Variants in CASZ1 observed in about 807,000 individuals in gnomAD.
CASZ1 encodes the protein castor zinc finger 1.
CASZ1 carries 28 observed loss-of-function variants against 135.2 expected under a neutral mutation model. The ratio of observed to expected loss-of-function variants is 0.21; its 90% CI spans 0.15 to 0.28. The LOEUF is 0.28. Among genes scored for constraint, CASZ1 ranks in the 10% least tolerant of loss-of-function variants. The pLI is 1.00. For missense variants in CASZ1, 2,161 were observed against 2,453.3 expected (o/e 0.88, Z 2.52); for synonymous variants, 1,068 against 1,073.4 (o/e 0.99, Z 0.10).
intron 4 of CASZ1, among the ~76,000 whole-genome samples, chr1:10,667,112 C>T (rs529568311): frequency 1.4e-4 from 21 of 152,344 alleles, no homozygotes; most frequent in African/African-American, 4.8e-4. Context: ...CCAGGAAACC[C>T]GATGAGAGGC....
intron 4 of CASZ1, among the ~76,000 whole-genome samples, chr1:10,692,658 A>T (rs747646316): frequency 1.3e-5 from 2 of 151,984 alleles, no homozygotes; most frequent in Non-Finnish European, 2.9e-5. Context: ...TCTGCAAATG[A>T]CACCTCCCCC....
intron 2 of CASZ1, among the ~76,000 whole-genome samples, chr1:10,729,816 A>AT (rs370712603): frequency 0.03 from 4,527 of 149,000 alleles, 94 homozygotes; most frequent in Middle Eastern, 0.086. Flanking sequence ...ACTTTATTTT[A>AT]TTTTTTTTTT....
At position 10,649,408 on chromosome 1, in the gene CASZ1, G is replaced by C. The variant is rs992745319; in HGVS notation, c.2910C>G (p.Ser970Arg). The C allele has an allele frequency of 6.8e-6, 11 of 1,611,170 alleles. No homozygotes were observed. Among genetic ancestry groups the C allele is most frequent in the Non-Finnish European group, 9.3e-6 (11 of 1,179,088 alleles). Residue 970 changes from serine (S) to arginine (R), a missense_variant, in exon 14 of 21, where the codon AGC becomes AGG. Ser to Arg is a moderately radical substitution (Grantham distance 110, BLOSUM62 -1). Around this residue, in one of 7 missense-constraint regions of CASZ1, gnomAD observed 406 missense variants for 387.6 expected, o/e 1.05. Transcript: ENST00000377022. The stretch of plus-strand genomic sequence containing the variant: ...CCGCTTCCGCCTTGATGTTCAGCAG[G>C]CTGCCCAGGCCAGGGTTGCCCTGAG... ...KMSQGNPGLG[S>R]LLNIKAEAEG...
Position 10,719,757 on chromosome 1 carries a change from G to A in CASZ1, c.-76-14213C>T, listed in dbSNP as rs562690834. On this transcript the variant is annotated intron_variant, in intron 2 of 20. Transcript: ENST00000377022. The surrounding 1 kb of genome is among the most constrained non-coding windows in gnomAD (Gnocchi z 4.0). ...CAGGGTATGGGAATAGAGGAATTGG[G>A]CACTTCAACGTTCCAAGCAAAAACT... Among the ~76,000 whole-genome samples, 61 of 152,332 alleles carry A rather than the reference G, an allele frequency of 4.0e-4. No individual in the cohort carries two copies. The highest frequency in any genetic ancestry group is 1.1e-3 in the African/African-American group (47 of 41,582).
rs58719621 is a variant in CASZ1, at chr1:10,675,227, C to T, written c.17-9656G>A. On this transcript the variant is annotated intron_variant, in intron 4 of 20. Transcript: ENST00000377022. ...AAAAATAAAGGGATGTTTGGGGAGTCGTAGCGCACACAGGGTTTTTGGCAG... is the reference window on the plus strand; with the variant it reads ...AAAAATAAAGGGATGTTTGGGGAGTTGTAGCGCACACAGGGTTTTTGGCAG... 3.6e-3 allele frequency among the ~76,000 whole-genome samples: 542 copies of T among 152,294 alleles called. 6 individuals carry two copies. The highest frequency in any genetic ancestry group is 0.011 in the African/African-American group (447 of 41,542).
chr1:10,650,787 A>G, intron 12 of CASZ1, 32 bp from the exon 13 acceptor site: 1 of 1,596,172 alleles, frequency 6.3e-7, no homozygotes, highest in Admixed American at 1.7e-5. Context: ...ACTTGAGCTC[A>G]GACGGCCGGG....
chr1:10,660,581 A>AGGGACAGGAGGTCCCCC (rs1326367016), intron 5 of CASZ1, 45 bp from the exon 6 acceptor site: 4 of 1,535,168 alleles, frequency 2.6e-6, no homozygotes, highest in Non-Finnish European at 3.5e-6. Flanking sequence ...AGGGAGTGGG[A>AGGGACAGGAGGTCCCCC]GGGACAGGAG....
In CASZ1 at chr1:10,665,359, G is replaced by C. The variant is rs1356050479; in HGVS notation, c.229C>G (p.Pro77Ala). Residue 77 changes from proline (P) to alanine (A), a missense_variant, in exon 5 of 21, where the codon CCC becomes GCC. Transcript: ENST00000377022. ...SGPESGAARA[P>A]RSEEDKRRAV... ...CGTCTCTTGTCTTCCTCGCTGCGGGGGGCCCGGGCTGCCCCAGACTCAGGG... is the reference window on the plus strand; with the variant it reads ...CGTCTCTTGTCTTCCTCGCTGCGGGCGGCCCGGGCTGCCCCAGACTCAGGG... The C allele has an allele frequency of 4.3e-6, 7 of 1,611,444 alleles. No individual in the cohort carries two copies. The East Asian group carries it at 1.6e-4, about 36-fold the overall frequency.
intron 1 of CASZ1, among the ~76,000 whole-genome samples, chr1:10,790,026 G>C (rs1045095939): frequency 6.6e-6 from 1 of 152,176 alleles, no homozygotes; most frequent in Non-Finnish European, 1.5e-5. Flanking sequence ...CCTGCTGCTG[G>C]CACACCAGGC....
chr1:10,719,958 C>T lies in CASZ1; in HGVS notation c.-76-14414G>A, dbSNP rs558344330. ...ATATGGTGCCTGAACACAGGTCCTC[C>T]GACAGCACCAGGGTGCGGTGTGTTT... On this transcript the variant is annotated intron_variant, in intron 2 of 20. Transcript: ENST00000377022. This position sits in a 1 kb window ranked among gnomAD's most constrained non-coding sequence, Gnocchi z 4.0. Among the ~76,000 whole-genome samples the T allele has an allele frequency of 5.3e-5, 8 of 152,326 alleles. No individual in the cohort carries two copies. Among genetic ancestry groups the T allele is most frequent in the Non-Finnish European group, 8.8e-5 (6 of 68,028 alleles).
At chr1:10,778,224 C>G (rs756916649) in intron 1 of CASZ1, among the ~76,000 whole-genome samples, 1 of 151,864 alleles carries the variant, frequency 6.6e-6, no homozygotes, top group Non-Finnish European at 1.5e-5. Context: ...CAATCACAAT[C>G]TCATACACAA....
intron 2 of CASZ1, among the ~76,000 whole-genome samples, chr1:10,715,280 C>A (rs1202098060): frequency 6.6e-6 from 1 of 152,160 alleles, no homozygotes; most frequent in East Asian, 1.9e-4. Flanking sequence ...AGAGACCTCT[C>A]TTCCTCAACC....
intron 4 of CASZ1, among the ~76,000 whole-genome samples, chr1:10,682,555 G>A (rs1473920840): frequency 6.6e-6 from 1 of 152,194 alleles, no homozygotes; most frequent in Non-Finnish European, 1.5e-5. Context: ...AACACAAAAT[G>A]TCAGGGTTTA....
At position 10,721,038 on chromosome 1, in the gene CASZ1, C is replaced by T. The variant is rs1004256386; in HGVS notation, c.-76-15494G>A. On this transcript the variant is annotated intron_variant, in intron 2 of 20. Transcript: ENST00000377022. This position sits in a 1 kb window ranked among gnomAD's most constrained non-coding sequence, Gnocchi z 5.4. ...AGAGGGCCCTCATCCTGCCTCCTCG[C>T]CCGTAACTCTGGTGGGGGTCCCTTT... 2.6e-5 allele frequency among the ~76,000 whole-genome samples: 4 copies of T among 152,184 alleles called. No individual in the cohort carries two copies. The highest frequency in any genetic ancestry group is 2.6e-4 in the Admixed American group (4 of 15,282).
Position 10,638,421 on chromosome 1 carries a change from T to TCCTCCACGGTCCCTGTAGTGTCA in CASZ1, c.*498_*520dup, listed in dbSNP as rs1553123209. Reference sequence around the variant, plus strand: ...CCGCGGCTGCTACTCCCGTGAGGCTTCCTCCACGGTCCCTGTAGTGTCACC... The same window carrying TCCTCCACGGTCCCTGTAGTGTCA: ...CCGCGGCTGCTACTCCCGTGAGGCTTCCTCCACGGTCCCTGTAGTGTCACCTCCACGGTCCCTGTAGTGTCACC... On this transcript the variant is annotated 3_prime_UTR_variant, in exon 21 of 21. Coordinates refer to ENST00000377022, the MANE Select transcript of CASZ1 (RefSeq NM_001079843.3). This position sits in a 1 kb window ranked among gnomAD's most constrained non-coding sequence, Gnocchi z 5.9. 1 of 152,086 alleles carries TCCTCCACGGTCCCTGTAGTGTCA rather than the reference T, an allele frequency of 6.6e-6. No individual in the cohort carries two copies. The allele number at this position is 152,086 out of a possible 1,614,324, so 9.4% of individuals were successfully genotyped here.
At chr1:10,751,134 T>A (rs1034354701) in intron 2 of CASZ1, among the ~76,000 whole-genome samples, 2 of 151,994 alleles carry the variant, frequency 1.3e-5, no homozygotes, top group African/African-American at 4.8e-5. Flanking sequence ...AAACCTTGTT[T>A]CAGATGCGGC....
At position 10,757,383 on chromosome 1, in the gene CASZ1, C is replaced by T. The variant is rs1448343396; in HGVS notation, c.-77+3318G>A. On this transcript the variant is annotated intron_variant, in intron 2 of 20. Transcript: ENST00000377022. The surrounding 1 kb of genome is among the most constrained non-coding windows in gnomAD (Gnocchi z 4.6). ...ACACATACAGGCTCTGACCCCTTCCCCGCCTGTCCACCTCCTCCTCACCCA... is the reference window on the plus strand; with the variant it reads ...ACACATACAGGCTCTGACCCCTTCCTCGCCTGTCCACCTCCTCCTCACCCA... Among the ~76,000 whole-genome samples, 3 of 152,190 alleles carry T rather than the reference C, an allele frequency of 2.0e-5. No homozygotes were observed. Among genetic ancestry groups the T allele is most frequent in the African/African-American group, 7.2e-5 (3 of 41,446 alleles).
At chr1:10,698,108 C>T (rs566025991) in intron 3 of CASZ1, among the ~76,000 whole-genome samples, 5 of 152,254 alleles carry the variant, frequency 3.3e-5, no homozygotes, top group African/African-American at 9.6e-5. Context: ...GAGTGGGTGG[C>T]GGAGCGAGGG....
chr1:10,652,040 A>G (rs284295), intron 11 of CASZ1: 41,695 of 152,036 alleles, frequency 0.27, 6,606 homozygotes, highest in African/African-American at 0.43. Context: ...CCACGCGGCC[A>G]CCGGGCATGA....
Sources: allele counts gnomAD v4.1 joint callset (sites outside exome capture counted in the v4.1 genomes callset), GRCh38; gene constraint gnomAD v4.1.1; regional missense constraint gnomAD v4.1.1; non-coding constraint Gnocchi (gnomAD v3.1); transcripts MANE v1.5; gene names NCBI Gene and HGNC (gene_info 2026-07-23, HGNC 2026-07-21).